Variants in EML6 observed in about 807,000 individuals in gnomAD.
EML6 encodes the protein EMAP like 6.
A neutral mutation model predicts 240.1 loss-of-function variants in EML6; 154 were observed. That is an observed-to-expected ratio of 0.64 (90% CI 0.56 to 0.73). EML6 has a LOEUF of 0.73. EML6 is among the 30% of genes least tolerant of loss of function. EML6 has a pLI of 0.00. For missense variants in EML6, 2,964 were observed against 2,474.6 expected (o/e 1.20, Z -4.20); for synonymous variants, 1,148 against 899.0 (o/e 1.28, Z -4.95).
At chr2:54,859,401 A>G (rs1573016217) in intron 11 of EML6, 133 bp from the exon 12 acceptor site, 7 of 684,770 alleles carry the variant, frequency 1.0e-5, no homozygotes, top group East Asian at 8.7e-5. Context: ...ATTTGTTACA[A>G]TATGTAAGAC....
intron 15 of EML6, 105 bp downstream of exon 15, chr2:54,869,472 A>T (rs1396180942): frequency 1.2e-6 from 1 of 857,794 alleles, no homozygotes; most frequent in Non-Finnish European, 1.8e-6. Flanking sequence ...AATAAACATG[A>T]GATGGGAAGG....
At chr2:54,865,945 G>C (rs1670948914) in intron 13 of EML6, among the ~76,000 whole-genome samples, 1 of 152,166 alleles carries the variant, frequency 6.6e-6, no homozygotes, top group Non-Finnish European at 1.5e-5. Context: ...AAAGTAAATA[G>C]TTGGTGAGCT....
intron 26 of EML6, among the ~76,000 whole-genome samples, chr2:54,923,170 A>C (rs1261319845): frequency 1.3e-5 from 2 of 151,894 alleles, no homozygotes; most frequent in African/African-American, 4.8e-5. Context: ...CGAACTCCCA[A>C]CCTCAGCTGA....
intron 4 of EML6, among the ~76,000 whole-genome samples, chr2:54,819,739 C>A (rs1179234379): frequency 7.1e-6 from 1 of 141,606 alleles, no homozygotes; most frequent in Non-Finnish European, 1.5e-5. Flanking sequence ...CACGCCACTG[C>A]ACTCCAGCCT....
At chr2:54,940,454 A>G (rs1042967617) in intron 28 of EML6, among the ~76,000 whole-genome samples, 3 of 152,170 alleles carry the variant, frequency 2.0e-5, no homozygotes, top group Admixed American at 6.5e-5. Context: ...TGTGGCGTCA[A>G]TATAAAATTT....
intron 31 of EML6, 118 bp from the exon 32 acceptor site, chr2:54,953,865 C>T: frequency 1.2e-6 from 1 of 819,348 alleles, no homozygotes; most frequent in Non-Finnish European, 1.8e-6. Context: ...CTGGCCTGGG[C>T]AACAGAGCAA....
Position 54,871,547 on chromosome 2 carries a change from ATGTT to A in EML6, c.2290_2293del (p.Leu764ArgfsTer3). On this transcript the variant is annotated frameshift_variant, in exon 16 of 42. Coordinates refer to ENST00000356458, the MANE Select transcript of EML6 (RefSeq NM_001039753.4). LOFTEE classifies it high-confidence loss of function. ...ATGTGTGGGACACACAAACTCTAAAATGTTTGTCGCTGTTGAAAGGACAACATCA... is the reference window on the plus strand; with the variant it reads ...ATGTGTGGGACACACAAACTCTAAAATGTCGCTGTTGAAAGGACAACATCA... The A allele has an allele frequency of 6.4e-7, 1 of 1,551,778 alleles. No individual in the cohort carries two copies. The highest frequency in any genetic ancestry group is 8.7e-7 in the Non-Finnish European group (1 of 1,146,964).
chr2:54,873,758 A>G (rs1671371187), intron 16 of EML6, among the ~76,000 whole-genome samples: 1 of 144,988 alleles, frequency 6.9e-6, no homozygotes, highest in African/African-American at 2.6e-5. Flanking sequence ...AAATAACAAC[A>G]GCTAAATGTT....
intron 4 of EML6, 68 bp from the exon 5 acceptor site, chr2:54,820,326 G>T: frequency 1.2e-6 from 1 of 866,200 alleles, no homozygotes; most frequent in Non-Finnish European, 1.9e-6. Flanking sequence ...TTGGCAATTG[G>T]ACTAGTATTG....
intron 36 of EML6, among the ~76,000 whole-genome samples, 163 bp downstream of exon 36, chr2:54,962,874 A>G (rs1339588224): frequency 1.3e-5 from 2 of 152,148 alleles, no homozygotes; most frequent in African/African-American, 4.8e-5. Flanking sequence ...CACTCACCAC[A>G]CCCCGTCTAA....
At chr2:54,844,923 C>G (rs572025785) in intron 8 of EML6, among the ~76,000 whole-genome samples, 1 of 152,046 alleles carries the variant, frequency 6.6e-6, no homozygotes, top group African/African-American at 2.4e-5. Flanking sequence ...AGAATGTTAC[C>G]CCAATTTCAG....
At chr2:54,867,947 A>T (rs374108681) in intron 14 of EML6, 4 of 152,006 alleles carry the variant, frequency 2.6e-5, no homozygotes, top group African/African-American at 9.7e-5. Flanking sequence ...TGGTCCTAAG[A>T]CTCTAACTCA....
intron 21 of EML6, among the ~76,000 whole-genome samples, chr2:54,897,255 A>G (rs1029739492): frequency 6.6e-6 from 1 of 152,146 alleles, no homozygotes; most frequent in Non-Finnish European, 1.5e-5. Flanking sequence ...AGTTTGGTTT[A>G]AATATGTTTT....
At chr2:54,894,665 C>G (rs1004083275) in intron 19 of EML6, among the ~76,000 whole-genome samples, 1 of 152,142 alleles carries the variant, frequency 6.6e-6, no homozygotes, top group African/African-American at 2.4e-5. Context: ...GGGCCAGCTG[C>G]CAACCATTGT....
At chr2:54,913,196 G>A (rs143330670) in intron 25 of EML6, among the ~76,000 whole-genome samples, 4 of 150,438 alleles carry the variant, frequency 2.7e-5, no homozygotes, top group Non-Finnish European at 4.4e-5. Flanking sequence ...TTTGTTGGCT[G>A]CTTGTATGTC....
chr2:54,900,465 C>T (rs181746136), intron 22 of EML6, among the ~76,000 whole-genome samples: 27 of 152,312 alleles, frequency 1.8e-4, no homozygotes, highest in African/African-American at 6.5e-4. Context: ...TAGTGCAGCA[C>T]TATGCAGCTA....
chr2:54,851,006 A>G (rs1670052314), intron 10 of EML6, among the ~76,000 whole-genome samples: 2 of 152,344 alleles, frequency 1.3e-5, no homozygotes, highest in African/African-American at 4.8e-5. Context: ...AAAATTCTGT[A>G]TTATTTATGA....
At chr2:54,908,290 A>G (rs576148239) in intron 24 of EML6, among the ~76,000 whole-genome samples, 8 of 151,626 alleles carry the variant, frequency 5.3e-5, no homozygotes, top group East Asian at 1.9e-4. Flanking sequence ...GATCACTGCA[A>G]TCTGTGCCTC....
At chr2:54,784,165 C>G (rs1668975187) in intron 2 of EML6, among the ~76,000 whole-genome samples, 1 of 152,084 alleles carries the variant, frequency 6.6e-6, no homozygotes, top group Non-Finnish European at 1.5e-5. Flanking sequence ...AGGCTGGTCT[C>G]AAACTCTTGG....
Sources: gnomAD v4.1 joint callset for allele counts (sites outside exome capture counted in the v4.1 genomes callset) on GRCh38, gnomAD v4.1.1 for gene constraint, MANE v1.5 for transcripts, NCBI Gene and HGNC (gene_info 2026-07-23, HGNC 2026-07-21) for gene names.